Variants in FBXW8 observed in about 807,000 individuals in gnomAD.
The protein encoded by FBXW8 is F-box/WD repeat-containing protein 8.
Under a neutral mutation model 65.3 loss-of-function variants are expected in FBXW8, and 57 were observed. The observed-to-expected ratio is 0.87, with a 90% CI of 0.71 to 1.09. FBXW8 has a LOEUF of 1.09. FBXW8 is among the 50% of genes least tolerant of loss of function. The probability of loss-of-function intolerance (pLI) is 0.00; values close to 1 mark genes in which losing one functional copy is unlikely to be tolerated. For missense variants in FBXW8, 777 were observed against 814.8 expected, an observed-to-expected ratio of 0.95 and a Z score of 0.57; for synonymous variants, 308 against 330.2, an observed-to-expected ratio of 0.93 and a Z score of 0.73.
Position 116,911,288 on chromosome 12 carries a change from G to A in FBXW8, c.251G>A (p.Arg84His), listed in dbSNP as rs982899113. The A allele has an allele frequency of 3.5e-5, 45 of 1,270,318 alleles. No homozygotes were observed. The highest frequency in any genetic ancestry group is 4.2e-5 in the Non-Finnish European group (42 of 1,011,602). 78.7% of individuals were successfully genotyped at this position (1,270,318 alleles called of 1,614,324 possible). Residue 84 changes from arginine to histidine, a missense_variant, in exon 1 of 11, where the codon CGT (arginine) becomes CAT (histidine). Physicochemically the swap from Arg to His is conservative, Grantham distance 29. Coordinates refer to ENST00000652555, the MANE Select transcript of FBXW8 (RefSeq NM_153348.3). ...AEGQDVASRSRSPLAREGAGG... is the reference protein window; with the variant it reads ...AEGQDVASRSHSPLAREGAGG... The stretch of plus-strand genomic sequence containing the variant: ...GGGCAGGACGTAGCGAGCCGCTCAC[G>A]TTCTCCTCTGGCCCGCGAGGGCGCC...
chr12:117,002,596 T>TA (rs1445611695), intron 7 of FBXW8: 4 of 152,200 alleles, frequency 2.6e-5, no homozygotes, highest in Non-Finnish European at 4.4e-5. Flanking sequence ...TGTTCACAGA[T>TA]ACGGCCGTGT....
At chr12:117,024,423 G>C (rs1209483715) in intron 9 of FBXW8, 103 bp downstream of exon 9, 1 of 1,339,020 alleles carries the variant, frequency 7.5e-7, no homozygotes, top group Admixed American at 2.0e-5. Flanking sequence ...CCTACCCCCC[G>C]GCTTCGCCAG....
intron 4 of FBXW8, among the ~76,000 whole-genome samples, chr12:116,951,667 CTCT>C (rs1475430513): frequency 1.3e-5 from 2 of 152,134 alleles, no homozygotes; most frequent in African/African-American, 2.4e-5. Flanking sequence ...AGAGCAGAAT[CTCT>C]TCTTCTCACC....
rs1459193605 is a variant in FBXW8, at chr12:116,962,795, G to A, written c.678-1902G>A. ...CATTCAAACATGTCTCATCTGTTGT[G>A]TCTCTGTAGCTAAGCAAGTGGCCTT... On this transcript the variant is annotated intron_variant, in intron 4 of 10. Coordinates refer to ENST00000652555, the MANE Select transcript of FBXW8 (RefSeq NM_153348.3). Among the ~76,000 whole-genome samples, 4 of 152,120 alleles carry A rather than the reference G, an allele frequency of 2.6e-5. No individual in the cohort carries two copies. In the East Asian group the frequency reaches 7.7e-4, roughly 29 times the overall value.
intron 3 of FBXW8, among the ~76,000 whole-genome samples, chr12:116,947,749 A>AG (rs1388597248): frequency 7.8e-5 from 11 of 140,910 alleles, no homozygotes; most frequent in South Asian, 4.9e-4. Flanking sequence ...AAAAAAAAAA[A>AG]AAAAAGAAAA....
chr12:116,952,064 A>T (rs1247479782), intron 4 of FBXW8, among the ~76,000 whole-genome samples: 1 of 152,086 alleles, frequency 6.6e-6, no homozygotes, highest in Non-Finnish European at 1.5e-5. Context: ...CTTTTTCCTT[A>T]TTACACTTTT....
intron 1 of FBXW8, among the ~76,000 whole-genome samples, chr12:116,915,958 ACTT>A (rs1371255504): frequency 2.0e-5 from 3 of 152,034 alleles, no homozygotes; most frequent in Non-Finnish European, 4.4e-5. Context: ...GCCTCACCTG[ACTT>A]CTAACACCAC....
At chr12:116,962,758 C>A (rs1050066448) in intron 4 of FBXW8, among the ~76,000 whole-genome samples, 1 of 152,100 alleles carries the variant, frequency 6.6e-6, no homozygotes. Flanking sequence ...GAATCTAGTC[C>A]CCCAGTCTAG....
At chr12:116,982,334 T>A (rs1462480983) in intron 5 of FBXW8, among the ~76,000 whole-genome samples, 2 of 152,130 alleles carry the variant, frequency 1.3e-5, no homozygotes, top group African/African-American at 4.8e-5. Flanking sequence ...AATCGAAAAC[T>A]GGCGTGGCCA....
intron 5 of FBXW8, among the ~76,000 whole-genome samples, chr12:116,972,743 G>A (rs1884710305): frequency 6.6e-6 from 1 of 152,210 alleles, no homozygotes; most frequent in East Asian, 1.9e-4. Context: ...ATTGGAATAG[G>A]AGGCATCGGT....
At chr12:116,941,325 A>G (rs1882552200) in intron 2 of FBXW8, among the ~76,000 whole-genome samples, 1 of 152,100 alleles carries the variant, frequency 6.6e-6, no homozygotes, top group African/African-American at 2.4e-5. Context: ...ACAGCGTGAC[A>G]CTCTCAGCAT....
chr12:116,927,369 C>T (rs1207738075), intron 1 of FBXW8, among the ~76,000 whole-genome samples: 3 of 152,200 alleles, frequency 2.0e-5, no homozygotes, highest in Non-Finnish European at 2.9e-5. Flanking sequence ...TGCACTGGCC[C>T]GCTCAGGTTA....
intron 5 of FBXW8, among the ~76,000 whole-genome samples, chr12:116,967,271 T>A (rs1251178597): frequency 6.6e-6 from 1 of 152,192 alleles, no homozygotes; most frequent in Non-Finnish European, 1.5e-5. Flanking sequence ...ATTATGTGGC[T>A]GTACCATCAT....
In FBXW8 at chr12:116,949,259, A is replaced by G. The variant is rs188622942; in HGVS notation, c.589-359A>G. The stretch of plus-strand genomic sequence containing the variant: ...TGAACGGAACTTTTTCACATACTTT[A>G]TAAGTTTCTTTAGATACTTGCCACT... On this transcript the variant is annotated intron_variant, in intron 3 of 10. Coordinates refer to ENST00000652555, the MANE Select transcript of FBXW8 (RefSeq NM_153348.3). The G allele has an allele frequency of 4.0e-5, 9 of 227,128 alleles. No individual in the cohort carries two copies. In the East Asian group the frequency reaches 8.5e-4, roughly 22 times the overall value. The allele number at this position is 227,128 out of a possible 1,614,324, so 14.1% of individuals were successfully genotyped here.
chr12:116,925,863 A>T (rs1201567177), intron 1 of FBXW8, among the ~76,000 whole-genome samples: 1 of 152,234 alleles, frequency 6.6e-6, no homozygotes, highest in Non-Finnish European at 1.5e-5. Context: ...GCACAGATGC[A>T]CTTAGCCTGG....
At chr12:116,967,731 A>T (rs529270716) in intron 5 of FBXW8, among the ~76,000 whole-genome samples, 1 of 152,266 alleles carries the variant, frequency 6.6e-6, no homozygotes, top group African/African-American at 2.4e-5. Context: ...AATCCTTGCC[A>T]TATGTGTTTC....
chr12:116,912,487 C>A (rs1476038689), intron 1 of FBXW8, among the ~76,000 whole-genome samples: 1 of 134,382 alleles, frequency 7.4e-6, no homozygotes, highest in Non-Finnish European at 1.5e-5. Context: ...CGGAGTCTCG[C>A]TCGCTCTGTC....
At chr12:117,026,608 C>CCAACAGACCCTTT (rs112723313) in intron 9 of FBXW8, among the ~76,000 whole-genome samples, 68,725 of 151,972 alleles carry the variant, frequency 0.45, 19,460 homozygotes, top group African/African-American at 0.81. Context: ...TGCACCCCTC[C>CCAACAGACCCTTT]CAGCCCACAG....
intron 4 of FBXW8, among the ~76,000 whole-genome samples, chr12:116,960,239 C>G (rs1883899740): frequency 6.6e-6 from 1 of 152,180 alleles, no homozygotes; most frequent in African/African-American, 2.4e-5. Flanking sequence ...GTGTTTTACC[C>G]TACCAAAGAT....
Sources: allele counts gnomAD v4.1 joint callset (sites outside exome capture counted in the v4.1 genomes callset), GRCh38; gene constraint gnomAD v4.1.1; transcripts MANE v1.5; gene names NCBI Gene and HGNC (gene_info 2026-07-23, HGNC 2026-07-21).